The following PNLIPRP1 variants were observed in gnomAD, a reference collection of about 807,000 sequenced individuals.
PNLIPRP1 encodes inactive pancreatic lipase-related protein 1.
A neutral mutation model predicts 54.6 loss-of-function variants in PNLIPRP1; 57 were observed. That is an observed-to-expected ratio of 1.04 (90% CI 0.84 to 1.30). The LOEUF is 1.30. Among genes scored for constraint, PNLIPRP1 ranks in the 50% most tolerant of loss-of-function variants. The pLI is 0.00. For synonymous variants in PNLIPRP1, 232 were observed against 208.8 expected, an observed-to-expected ratio of 1.11 and a Z score of -0.96; for missense variants, 567 against 568.5, an observed-to-expected ratio of 1.00 and a Z score of 0.03.
At chr10:116,597,701 A>C (rs782522551) in intron 6 of PNLIPRP1, 127 bp from the exon 7 acceptor site, 1 of 1,043,786 alleles carries the variant, frequency 9.6e-7, no homozygotes, top group Non-Finnish European at 1.4e-6. Flanking sequence ...AGGCCATGGC[A>C]CTGCATCACT....
intron 4 of PNLIPRP1, 79 bp downstream of exon 4, chr10:116,592,620 A>G (rs781835521): frequency 1.3e-6 from 2 of 1,526,558 alleles, no homozygotes; most frequent in Non-Finnish European, 9.1e-7. Flanking sequence ...TATGCACTCA[A>G]GAAATCTTTA....
chr10:116,595,024 G>T, intron 5 of PNLIPRP1, 160 bp downstream of exon 5: 1 of 802,032 alleles, frequency 1.2e-6, no homozygotes, highest in Non-Finnish European at 1.9e-6. Flanking sequence ...TGACACGCCA[G>T]TGGAAGCAAA....
rs1554863926 is a variant in PNLIPRP1, at chr10:116,596,205, C to T, written c.466-9C>T. On this transcript the variant is annotated splice_polypyrimidine_tract_variant and intron_variant, in intron 5 of 12. Transcript: ENST00000358834. Reference sequence around the variant, plus strand: ...AAAATGTCCTGAAAATACAATCTTCCCTCTCCAGACAGAGTATAGCTACCC... The same window carrying T: ...AAAATGTCCTGAAAATACAATCTTCTCTCTCCAGACAGAGTATAGCTACCC... The T allele has an allele frequency of 1.3e-6, 2 of 1,565,582 alleles. No individual in the cohort carries two copies. Among genetic ancestry groups the T allele is most frequent in the South Asian group, 2.2e-5 (2 of 89,554 alleles).
chr10:116,601,672 G>C (rs1239885832), intron 10 of PNLIPRP1, among the ~76,000 whole-genome samples: 1 of 152,164 alleles, frequency 6.6e-6, no homozygotes, highest in Non-Finnish European at 1.5e-5. Context: ...CTCGCTGGTG[G>C]AGTGCAGGCA....
At chr10:116,594,614 A>T in intron 4 of PNLIPRP1, 116 bp from the exon 5 acceptor site, 2 of 1,101,480 alleles carry the variant, frequency 1.8e-6, no homozygotes, top group Non-Finnish European at 2.7e-6. Flanking sequence ...AACAGAGTCT[A>T]GTTTATCTCA....
intron 5 of PNLIPRP1, chr10:116,595,623 C>T (rs1030776538): frequency 1.3e-5 from 2 of 153,116 alleles, no homozygotes; most frequent in Non-Finnish European, 2.9e-5. Context: ...GCAAATACCT[C>T]ATAGCTCTAT....
chr10:116,592,866 C>T (rs1366602763), intron 4 of PNLIPRP1: 1 of 376,288 alleles, frequency 2.7e-6, no homozygotes, highest in Non-Finnish European at 5.2e-6. Context: ...TCAAATTTTT[C>T]CCACATCCCT....
rs192212949 is a variant in PNLIPRP1 at position 116,607,885 on chromosome 10, C to T, written c.1341-1168C>T. Among the ~76,000 whole-genome samples, 79 of 152,314 alleles carry T rather than the reference C, an allele frequency of 5.2e-4. 1 individual carries two copies. Among genetic ancestry groups the T allele is most frequent in the African/African-American group, 1.6e-3 (67 of 41,574 alleles). On this transcript the variant is annotated intron_variant, in intron 12 of 12. Transcript: ENST00000358834. ...TGGGAGAATGACTGAGATGGAATCT[C>T]GCTCTGTTGCCCAGGCTAGAGTACA...
At chr10:116,608,777 G>A (rs1847978260) in intron 12 of PNLIPRP1, among the ~76,000 whole-genome samples, 1 of 152,216 alleles carries the variant, frequency 6.6e-6, no homozygotes, top group Non-Finnish European at 1.5e-5. Context: ...GGGACAAGGA[G>A]GTGAGAGTCC....
intron 6 of PNLIPRP1, among the ~76,000 whole-genome samples, chr10:116,596,825 C>T (rs1847745873): frequency 6.6e-6 from 1 of 152,068 alleles, no homozygotes; most frequent in Admixed American, 6.6e-5. Flanking sequence ...TGAATTATAA[C>T]AGCAACAGCA....
At position 116,605,482 on chromosome 10, in the gene PNLIPRP1, T is replaced by C. The variant is rs1554865464; in HGVS notation, c.1269T>C (p.Asn423=). Residue 423 remains asparagine (N), a synonymous_variant, in exon 12 of 13, where the codon AAT becomes AAC. Coordinates refer to ENST00000358834, the MANE Select transcript of PNLIPRP1 (RefSeq NM_006229.4). ...IEKVKFLWNN[N]VINPTLPKVG... ...AAGTCAAGTTTCTTTGGAATAACAA[T>C]GTGATAAATCCAACCCTCCCCAAAG... 4 of 1,611,530 alleles carry C rather than the reference T, an allele frequency of 2.5e-6. No homozygotes were observed. The South Asian group carries it at 4.4e-5, about 18-fold the overall frequency.
intron 5 of PNLIPRP1, 113 bp downstream of exon 5, chr10:116,594,977 G>C: frequency 7.7e-7 from 1 of 1,298,348 alleles, no homozygotes; most frequent in African/African-American, 1.5e-5. Flanking sequence ...TTGATATCCA[G>C]ACCTTACTTC....
Position 116,592,470 on chromosome 10 carries a change from A to G in PNLIPRP1, c.259A>G (p.Arg87Gly), listed in dbSNP as rs782410219. The change falls in exon 4 of 13, where the codon AGA (arginine) becomes GGA (glycine). Residue 87 changes from arginine to glycine, a missense_variant. By Grantham distance (125) the Arg-to-Gly change is moderately radical (BLOSUM62 -2). Coordinates refer to ENST00000358834, the MANE Select transcript of PNLIPRP1 (RefSeq NM_006229.4). ...TIEASNFQMD[R>G]KTRFIIHGFI... is the part of the protein sequence containing the mutation. ...TGAGGCATCAAATTTTCAAATGGAC[A>G]GAAAGACCCGGTTCATCATCCATGG... 1 of 1,613,864 alleles carries G rather than the reference A, an allele frequency of 6.2e-7. No homozygotes were observed. Among genetic ancestry groups the G allele is most frequent in the Admixed American group, 1.7e-5 (1 of 60,012 alleles).
At chr10:116,594,488 A>G in intron 4 of PNLIPRP1, 1 of 581,670 alleles carries the variant, frequency 1.7e-6, no homozygotes. Flanking sequence ...ATTTGGTTGA[A>G]GGAAACCAGA....
chr10:116,594,289 T>A (rs371921575), intron 4 of PNLIPRP1: 7 of 504,596 alleles, frequency 1.4e-5, no homozygotes, highest in African/African-American at 1.4e-4. Flanking sequence ...ACTATAAAAA[T>A]AGTGAAACTT....
At chr10:116,595,328 G>A (rs972517312) in intron 5 of PNLIPRP1, 2 of 159,898 alleles carry the variant, frequency 1.3e-5, no homozygotes, top group Admixed American at 5.9e-5. Flanking sequence ...GGGTCCTATT[G>A]ATGTTGGGGA....
At chr10:116,605,235 T>C (rs550358643) in intron 11 of PNLIPRP1, 151 bp from the exon 12 acceptor site, 1 of 491,032 alleles carries the variant, frequency 2.0e-6, no homozygotes, top group African/African-American at 1.9e-5. Context: ...TGCTAGCATA[T>C]AGCTGGCTTT....
intron 11 of PNLIPRP1, among the ~76,000 whole-genome samples, chr10:116,604,952 C>T (rs1467815938): frequency 3.3e-5 from 5 of 152,110 alleles, no homozygotes; most frequent in African/African-American, 9.7e-5. Context: ...CTCGGCCTCT[C>T]AAAGTGCTGG....
At chr10:116,603,884 C>T (rs1032214786) in intron 10 of PNLIPRP1, 146 bp from the exon 11 acceptor site, 3 of 485,500 alleles carry the variant, frequency 6.2e-6, no homozygotes, top group African/African-American at 5.9e-5. Context: ...CAGAGTGAGA[C>T]CCCATCTCAA....
Sources: gnomAD v4.1 joint callset for allele counts (sites outside exome capture counted in the v4.1 genomes callset) on GRCh38, gnomAD v4.1.1 for gene constraint, MANE v1.5 for transcripts, NCBI Gene and HGNC (gene_info 2026-07-23, HGNC 2026-07-21) for gene names.